The following SNX2 variants were observed in gnomAD, a reference collection of about 807,000 sequenced individuals.
The protein encoded by SNX2 is sorting nexin 2.
SNX2 carries 25 observed loss-of-function variants against 69.9 expected under a neutral mutation model. The observed-to-expected ratio is 0.36, with a 90% confidence interval of 0.26 to 0.50. SNX2 has a LOEUF of 0.50. Among genes scored for constraint, SNX2 ranks in the 20% least tolerant of loss-of-function variants. SNX2 has a pLI of 0.97. For missense variants in SNX2, 551 were observed against 613.3 expected (o/e 0.90, Z 1.07); for synonymous variants, 229 against 200.4 (o/e 1.14, Z -1.20).
Position 122,817,360 on chromosome 5 carries a change from C to A in SNX2, c.993C>A (p.Val331=). The A allele has an allele frequency of 6.2e-7, 1 of 1,613,420 alleles. No homozygotes were observed. Among genetic ancestry groups the A allele is most frequent in the African/African-American group, 1.3e-5 (1 of 75,012 alleles). The part of the protein sequence containing the change: ...RKLHVSVEAL[V]CHRKELSANT... ...TTCATGTCAGTGTTGAAGCCTTGGT[C>A]TGTCATAGAAAAGGTTTGTTTGCCT... The change falls in exon 10 of 15, where the codon GTC becomes GTA. Residue 331 remains valine, a synonymous_variant. Transcript: ENST00000379516.
At chr5:122,821,456 C>CT (rs1004929924) in intron 11 of SNX2, among the ~76,000 whole-genome samples, 22 of 149,164 alleles carry the variant, frequency 1.5e-4, no homozygotes, top group South Asian at 4.2e-4. Flanking sequence ...AGTAGATGTC[C>CT]TTTTTTTTTT....
intron 6 of SNX2, among the ~76,000 whole-genome samples, chr5:122,805,021 G>A (rs1331316823): frequency 6.6e-6 from 1 of 152,046 alleles, no homozygotes; most frequent in Non-Finnish European, 1.5e-5. Context: ...CTCCATCATG[G>A]TGGCTCATGC....
chr5:122,811,992 AATTC>A (rs1396279893), intron 7 of SNX2, among the ~76,000 whole-genome samples: 1 of 152,164 alleles, frequency 6.6e-6, no homozygotes, highest in Admixed American at 6.5e-5. Context: ...AGGATTATCT[AATTC>A]ATTAGGAAAT....
At chr5:122,812,707 G>A (rs184571625) in intron 7 of SNX2, among the ~76,000 whole-genome samples, 1 of 152,122 alleles carries the variant, frequency 6.6e-6, no homozygotes, top group African/African-American at 2.4e-5. Context: ...CTTCACCAGG[G>A]AAAGAATCTT....
At chr5:122,818,782 GA>G in intron 10 of SNX2, 35 bp from the exon 11 acceptor site, 1 of 1,554,888 alleles carries the variant, frequency 6.4e-7, no homozygotes, top group Non-Finnish European at 8.8e-7. Flanking sequence ...TTTTATGAGT[GA>G]ACACTAAAAT....
intron 2 of SNX2, 62 bp from the exon 3 acceptor site, chr5:122,799,630 A>T: frequency 1.9e-6 from 2 of 1,073,328 alleles, no homozygotes; most frequent in Non-Finnish European, 2.7e-6. Flanking sequence ...ATTAACTGCT[A>T]TGTAGAATAT....
intron 10 of SNX2, 52 bp from the exon 11 acceptor site, chr5:122,818,766 T>C: frequency 6.8e-7 from 1 of 1,469,850 alleles, no homozygotes; most frequent in Admixed American, 2.0e-5. Flanking sequence ...ATACAATATT[T>C]TAAAATTTTA....
At chr5:122,783,554 C>G (rs529507845) in intron 1 of SNX2, among the ~76,000 whole-genome samples, 51 of 152,178 alleles carry the variant, frequency 3.4e-4, no homozygotes, top group African/African-American at 1.2e-3. Context: ...GAAAGTCTAG[C>G]CTTTCTTTAT....
chr5:122,823,779 CGTGTGTGTGTGTGTGTGT>C (rs10559762), intron 11 of SNX2, among the ~76,000 whole-genome samples: 1 of 145,828 alleles, frequency 6.9e-6, no homozygotes, highest in African/African-American at 2.5e-5. Flanking sequence ...AACATGTGGT[CGTGTGTGTGTGTGTGTGT>C]GTGTGTGTGT....
intron 3 of SNX2, among the ~76,000 whole-genome samples, chr5:122,800,151 TAATCAC>T (rs1413264679): frequency 6.6e-6 from 1 of 152,172 alleles, no homozygotes; most frequent in East Asian, 1.9e-4. Flanking sequence ...TTTGAAAACT[TAATCAC>T]AATAAAGTGA....
rs58159922 is a variant in SNX2 at position 122,831,009 on chromosome 5, C to CAAAA, written c.*1382_*1385dup. On this transcript the variant is annotated 3_prime_UTR_variant, in exon 15 of 15. Coordinates refer to ENST00000379516, the MANE Select transcript of SNX2 (RefSeq NM_003100.4). ...AGGCAACAAAAGCAAAACTCCATCT[C>CAAAA]AAAAAAAAAAAAAAAAAAAAAAAAG... 0.015 allele frequency among the ~76,000 whole-genome samples: 927 copies of CAAAA among 62,708 alleles called. 45 individuals are homozygous for CAAAA. Among genetic ancestry groups the CAAAA allele is most frequent in the African/African-American group, 0.041 (682 of 16,670 alleles). The allele number at this position is 62,708 out of a possible 152,430, so 41.1% of individuals were successfully genotyped here.
chr5:122,794,609 G>GA (rs1197902210), intron 1 of SNX2, among the ~76,000 whole-genome samples: 1 of 152,188 alleles, frequency 6.6e-6, no homozygotes, highest in African/African-American at 2.4e-5. Context: ...AGGGATTTTT[G>GA]AAAATCAAGG....
At chr5:122,800,111 C>G (rs1005045566) in intron 3 of SNX2, among the ~76,000 whole-genome samples, 2 of 152,064 alleles carry the variant, frequency 1.3e-5, no homozygotes, top group Non-Finnish European at 2.9e-5. Context: ...CCTAGGGTTT[C>G]TCTGTTGGTC....
chr5:122,802,210 C>A, intron 5 of SNX2, 86 bp downstream of exon 5: 1 of 1,152,148 alleles, frequency 8.7e-7, no homozygotes, highest in South Asian at 1.3e-5. Context: ...TAGAAGTGAT[C>A]CCTGTCTTTA....
intron 7 of SNX2, 95 bp from the exon 8 acceptor site, chr5:122,815,801 A>AC: frequency 1.7e-6 from 1 of 590,836 alleles, no homozygotes. Context: ...TAGTGAGGAC[A>AC]CTTTTTTTTC....
In SNX2 at chr5:122,809,816, A is replaced by C. The variant is rs182151979; in HGVS notation, c.722+1461A>C. On this transcript the variant is annotated intron_variant, in intron 7 of 14. Coordinates refer to ENST00000379516, the MANE Select transcript of SNX2 (RefSeq NM_003100.4). Reference sequence around the variant, plus strand: ...ATTTGAACAATTTAAGAAAAGCTAAAGAATATGTAGTTTAAAATCTTAGAG... The same window carrying C: ...ATTTGAACAATTTAAGAAAAGCTAACGAATATGTAGTTTAAAATCTTAGAG... Among the ~76,000 whole-genome samples the C allele has an allele frequency of 2.7e-3, 409 of 152,328 alleles. 3 individuals are homozygous for C. The highest frequency in any genetic ancestry group is 2.4e-3 in the Non-Finnish European group (160 of 68,028).
intron 1 of SNX2, among the ~76,000 whole-genome samples, chr5:122,794,115 A>G (rs1753318466): frequency 6.6e-6 from 1 of 151,960 alleles, no homozygotes; most frequent in Non-Finnish European, 1.5e-5. Context: ...GTTCGAGACC[A>G]GCCTGACCAA....
At chr5:122,815,780 CTA>C (rs1753885754) in intron 7 of SNX2, 114 bp from the exon 8 acceptor site, 2 of 509,508 alleles carry the variant, frequency 3.9e-6, no homozygotes, top group South Asian at 7.2e-5. Context: ...TGAGAGTAGT[CTA>C]ATACGAGGTA....
At chr5:122,784,342 G>GT (rs937925224) in intron 1 of SNX2, among the ~76,000 whole-genome samples, 22 of 146,872 alleles carry the variant, frequency 1.5e-4, no homozygotes, top group East Asian at 6.1e-4. Context: ...AAGGTTTTTT[G>GT]TTTTTTTTAA....
Sources: allele counts gnomAD v4.1 joint callset (sites outside exome capture counted in the v4.1 genomes callset), GRCh38; gene constraint gnomAD v4.1.1; transcripts MANE v1.5; gene names NCBI Gene and HGNC (gene_info 2026-07-23, HGNC 2026-07-21).